Variants in GNB1 observed in about 807,000 individuals in gnomAD.
GNB1 encodes the protein G protein subunit beta 1.
Under a neutral mutation model 42.9 loss-of-function variants are expected in GNB1, and 2 were observed. The ratio of observed to expected loss-of-function variants is 0.05; its 90% CI spans 0.02 to 0.15. The LOEUF (loss-of-function observed/expected upper bound fraction) is 0.15. Ranked by LOEUF, GNB1 falls within the 10% of genes least tolerant of loss-of-function variation. The pLI is 1.00. For missense variants in GNB1, 193 were observed against 462.2 expected, an observed-to-expected ratio of 0.42 and a Z score of 5.34; for synonymous variants, 183 against 174.7, an observed-to-expected ratio of 1.05 and a Z score of -0.38.
At chr1:1,889,382 A>G (rs1234427940) in intron 1 of GNB1, among the ~76,000 whole-genome samples, 1 of 152,248 alleles carries the variant, frequency 6.6e-6, no homozygotes, top group Non-Finnish European at 1.5e-5. Context: ...ATAGGTTACC[A>G]TTTCTACACT....
intron 2 of GNB1, among the ~76,000 whole-genome samples, chr1:1,835,084 G>A (rs372161531): frequency 6.6e-6 from 1 of 152,168 alleles, no homozygotes; most frequent in African/African-American, 2.4e-5. Context: ...ATTTACTGCT[G>A]CAAACTACAA....
Position 1,790,619 on chromosome 1 carries a change from G to C in GNB1, c.498-23C>G, listed in dbSNP as rs377062472. 1.2e-4 allele frequency: 182 copies of C among 1,564,798 alleles called. 1 individual carries two copies. In the East Asian group the frequency reaches 2.7e-3, roughly 24 times the overall value. On this transcript the variant is annotated intron_variant, in intron 8 of 11. Transcript: ENST00000378609. The surrounding 1 kb of genome is among the most constrained non-coding windows in gnomAD (Gnocchi z 5.4). ...GCACTGGAGCAGGAGCGAATGACAA[G>C]GGGACATCAGCCTTAACTTCTTGGG...
chr1:1,804,410 G>A lies in GNB1; in HGVS notation c.430+9C>T, dbSNP rs757859923. On this transcript the variant is annotated intron_variant, in intron 7 of 11. Transcript: ENST00000378609. ...GTGTCACTTGAAGCTTATGAACAAG[G>A]ACAGGTACCTGTGTGTCCTGCCAGC... 3 of 1,607,890 alleles carry A rather than the reference G, an allele frequency of 1.9e-6. No individual in the cohort carries two copies. Among genetic ancestry groups the A allele is most frequent in the Non-Finnish European group, 2.6e-6 (3 of 1,174,532 alleles).
intron 4 of GNB1, 86 bp downstream of exon 4, chr1:1,817,751 G>T: frequency 1.1e-6 from 1 of 897,296 alleles, no homozygotes; most frequent in Non-Finnish European, 1.8e-6. Context: ...GAGAATGCAA[G>T]CAGAGCCCTC....
chr1:1,790,983 C>T lies in GNB1; in HGVS notation c.498-387G>A, dbSNP rs777957844. ...TGGAGGCCCTGGATGGCGGAGGGGACGCGACTCTATCTGTGGCTGCTCCCT... is the reference window on the plus strand; with the variant it reads ...TGGAGGCCCTGGATGGCGGAGGGGATGCGACTCTATCTGTGGCTGCTCCCT... On this transcript the variant is annotated intron_variant, in intron 8 of 11. Coordinates refer to ENST00000378609, the MANE Select transcript of GNB1 (RefSeq NM_002074.5). This position sits in a 1 kb window ranked among gnomAD's most constrained non-coding sequence, Gnocchi z 5.4. 2.6e-5 allele frequency among the ~76,000 whole-genome samples: 4 copies of T among 152,092 alleles called. No homozygotes were observed. The highest frequency in any genetic ancestry group is 5.9e-5 in the Non-Finnish European group (4 of 68,026).
intron 7 of GNB1, among the ~76,000 whole-genome samples, chr1:1,794,711 A>C (rs1368213795): frequency 6.6e-6 from 1 of 152,224 alleles, no homozygotes; most frequent in Non-Finnish European, 1.5e-5. Context: ...CTATTTTTTG[A>C]GACAGAGTCT....
chr1:1,804,792 CCA>C (rs1646674162), intron 6 of GNB1, among the ~76,000 whole-genome samples: 1 of 152,208 alleles, frequency 6.6e-6, no homozygotes, highest in South Asian at 2.1e-4. Flanking sequence ...CAAATTCAAT[CCA>C]CACAGTCCAG....
intron 4 of GNB1, among the ~76,000 whole-genome samples, chr1:1,816,105 C>T (rs1646851644): frequency 6.6e-6 from 1 of 152,222 alleles, no homozygotes; most frequent in South Asian, 2.1e-4. Flanking sequence ...CGCACACGAA[C>T]ATGGCCAGCC....
chr1:1,870,115 C>G (rs1318383902), intron 1 of GNB1, among the ~76,000 whole-genome samples: 1 of 152,184 alleles, frequency 6.6e-6, no homozygotes, highest in Non-Finnish European at 1.5e-5. Context: ...CCCGCCATGG[C>G]CTCCCAAAGT....
rs144573210 is a variant in GNB1, at chr1:1,881,266, G to A, written c.-96+9554C>T. ...TCTTATCAATCGTCAACCTGGTCCA[G>A]ACCCCTTTCCTCTTCTACAGCAGCT... is the stretch of plus-strand genomic sequence containing the variant. On this transcript the variant is annotated intron_variant, in intron 1 of 11. Coordinates refer to ENST00000378609, the MANE Select transcript of GNB1 (RefSeq NM_002074.5). 2.6e-3 allele frequency among the ~76,000 whole-genome samples: 403 copies of A among 152,144 alleles called. 4 individuals are homozygous for A. Among genetic ancestry groups the A allele is most frequent in the African/African-American group, 8.8e-3 (363 of 41,480 alleles).
rs1650470405 is a variant in GNB1 at position 1,890,877 on chromosome 1, C to G, written c.-153G>C. 6.8e-6 allele frequency: 1 copy of G among 147,106 alleles called. No individual in the cohort carries two copies. Among genetic ancestry groups the G allele is most frequent in the South Asian group, 1.9e-4 (1 of 5,218 alleles). 9.1% of individuals were successfully genotyped at this position (147,106 alleles called of 1,614,324 possible). On this transcript the variant is annotated 5_prime_UTR_variant, in exon 1 of 12. Coordinates refer to ENST00000378609, the MANE Select transcript of GNB1 (RefSeq NM_002074.5). ...CACCGCCGCCTCGGCCGCCGCTCGG[C>G]AGGTCGTCGCGCTCGGGCCGCGCTG...
chr1:1,879,578 A>T (rs932181082), intron 1 of GNB1, among the ~76,000 whole-genome samples: 1 of 151,836 alleles, frequency 6.6e-6, no homozygotes, highest in Non-Finnish European at 1.5e-5. Flanking sequence ...GGTGGCAGGC[A>T]CCTGTAGTCC....
chr1:1,872,964 A>G (rs999276102), intron 1 of GNB1, among the ~76,000 whole-genome samples: 1 of 152,202 alleles, frequency 6.6e-6, no homozygotes, highest in African/African-American at 2.4e-5. Context: ...CAGTATAGGA[A>G]AGGCTGTGAT....
chr1:1,786,183 C>T lies in GNB1; in HGVS notation c.*880G>A. ...ACAGGACAGGCATCTCTCTTGAAAA[C>T]AGAGGTTCCTCCTAGTTGGGGGTGG... On this transcript the variant is annotated 3_prime_UTR_variant, in exon 12 of 12. Coordinates refer to ENST00000378609, the MANE Select transcript of GNB1 (RefSeq NM_002074.5). 2.5e-6 allele frequency: 1 copy of T among 398,018 alleles called. No homozygotes were observed. The highest frequency in any genetic ancestry group is 4.4e-6 in the Non-Finnish European group (1 of 225,682). 24.7% of individuals were successfully genotyped at this position (398,018 alleles called of 1,614,324 possible). A position where few individuals can be genotyped will look rare whatever the true frequency, so the allele number is the denominator to read the frequency against.
intron 1 of GNB1, among the ~76,000 whole-genome samples, chr1:1,877,017 C>T (rs1045539456): frequency 6.6e-6 from 1 of 152,050 alleles, no homozygotes; most frequent in African/African-American, 2.4e-5. Flanking sequence ...TCTATATATA[C>T]AGGCCAGGCG....
chr1:1,849,694 C>G (rs937951220), intron 1 of GNB1, among the ~76,000 whole-genome samples: 1 of 152,144 alleles, frequency 6.6e-6, no homozygotes, highest in Non-Finnish European at 1.5e-5. Flanking sequence ...ACCCACCATG[C>G]CTGGCCTGTA....
chr1:1,838,605 C>T (rs1283891687), intron 2 of GNB1, among the ~76,000 whole-genome samples: 6 of 151,858 alleles, frequency 4.0e-5, no homozygotes, highest in East Asian at 1.9e-4. Context: ...CCACCGCACC[C>T]GGCTAATTTT....
chr1:1,798,738 T>C (rs1646580850), intron 7 of GNB1, among the ~76,000 whole-genome samples: 1 of 152,200 alleles, frequency 6.6e-6, no homozygotes, highest in South Asian at 2.1e-4. Context: ...GTTTCGCTCT[T>C]GTTGCCCAGG....
intron 3 of GNB1, among the ~76,000 whole-genome samples, chr1:1,820,105 C>T (rs1191539212): frequency 6.6e-6 from 1 of 151,864 alleles, no homozygotes; most frequent in Non-Finnish European, 1.5e-5. Flanking sequence ...GCCTGTAATC[C>T]CAACACCTCA....
Sources: gnomAD v4.1 joint callset for allele counts (sites outside exome capture counted in the v4.1 genomes callset) on GRCh38, gnomAD v4.1.1 for gene constraint, Gnocchi (gnomAD v3.1) non-coding constraint, MANE v1.5 for transcripts, NCBI Gene and HGNC (gene_info 2026-07-23, HGNC 2026-07-21) for gene names.